Variants in SYNJ1 observed in about 807,000 individuals in gnomAD.
SYNJ1 encodes synaptojanin 1, also known as polyphosphatidylinositol phosphatase SYNJ1.
A neutral mutation model predicts 168.2 loss-of-function variants in SYNJ1; 78 were observed. The ratio of observed to expected loss-of-function variants is 0.46; its 90% CI spans 0.39 to 0.56. The LOEUF is 0.56. Among genes scored for constraint, SYNJ1 ranks in the 20% least tolerant of loss-of-function variants. The pLI, the probability that SYNJ1 is intolerant of heterozygous loss-of-function variation, is 0.00. For synonymous variants in SYNJ1, 539 were observed against 548.6 expected (o/e 0.98, Z 0.24); for missense variants, 1,303 against 1,597.6 (o/e 0.82, Z 3.14).
chr21:32,656,909 G>A lies in SYNJ1; in HGVS notation c.2580-7C>T, dbSNP rs2040478967. Reference sequence around the variant, plus strand: ...AATCAGGGCAACGACAGGCCTTAAGGCATAAAGGAAGATAGATGTATTAGA... The same window carrying A: ...AATCAGGGCAACGACAGGCCTTAAGACATAAAGGAAGATAGATGTATTAGA... On this transcript the variant is annotated splice_region_variant and splice_polypyrimidine_tract_variant and intron_variant, in intron 20 of 32. Transcript: ENST00000674351. 1.2e-6 allele frequency: 2 copies of A among 1,613,082 alleles called. No homozygotes were observed. The highest frequency in any genetic ancestry group is 1.7e-6 in the Non-Finnish European group (2 of 1,179,696).
intron 32 of SYNJ1, among the ~76,000 whole-genome samples, chr21:32,632,963 T>C (rs1362669043): frequency 6.6e-5 from 10 of 152,086 alleles, no homozygotes; most frequent in Admixed American, 3.9e-4. Flanking sequence ...GAGGTTGCAG[T>C]GAGCTGAGAT....
intron 1 of SYNJ1, among the ~76,000 whole-genome samples, chr21:32,727,157 TA>T (rs976681248): frequency 1.4e-4 from 22 of 152,334 alleles, no homozygotes; most frequent in African/African-American, 5.3e-4. Context: ...TTTAGCACTG[TA>T]AGTCAATCAA....
At chr21:32,667,762 A>G (rs966095105) in intron 15 of SYNJ1, among the ~76,000 whole-genome samples, 36 of 151,908 alleles carry the variant, frequency 2.4e-4, no homozygotes, top group African/African-American at 8.0e-4. Flanking sequence ...GAGACTTCCA[A>G]CACTTCCCTG....
chr21:32,631,695 G>A lies in SYNJ1; in HGVS notation c.*110C>T, dbSNP rs959757570. ...GGTGGGAACAGGTGACGTTTGAACA[G>A]ATAGCTGAGCCTTTGATACAGCAAG... On this transcript the variant is annotated 3_prime_UTR_variant, in exon 33 of 33. Coordinates refer to ENST00000674351, the MANE Select transcript of SYNJ1 (RefSeq NM_203446.3). 15 of 1,614,110 alleles carry A rather than the reference G, an allele frequency of 9.3e-6. No homozygotes were observed. In the Admixed American group the frequency reaches 1.2e-4, roughly 13 times the overall value.
At chr21:32,684,897 C>A (rs554905252) in intron 9 of SYNJ1, among the ~76,000 whole-genome samples, 1 of 135,398 alleles carries the variant, frequency 7.4e-6, no homozygotes, top group Non-Finnish European at 1.8e-5. Context: ...GACTTAAGTA[C>A]GGCCGGGCGC....
chr21:32,638,986 A>G lies in SYNJ1; in HGVS notation c.3837T>C (p.Asn1279=). ...GTGGTGGTTGTGGTGGGGTTTCCAA[A>G]TTTGGCTGGGGGCCAGACTGAGGCA... The part of the protein sequence containing the change: ...APMPQSGPQP[N]LETPPQPPPR... The change falls in exon 31 of 33, where the codon AAT becomes AAC. Residue 1279 remains asparagine (N), a synonymous_variant. Coordinates refer to ENST00000674351, the MANE Select transcript of SYNJ1 (RefSeq NM_203446.3). The G allele has an allele frequency of 6.2e-7, 1 of 1,614,028 alleles. No individual in the cohort carries two copies. The highest frequency in any genetic ancestry group is 1.1e-5 in the South Asian group (1 of 91,074).
Position 32,699,274 on chromosome 21 carries a change from A to G in SYNJ1, c.479+564T>C, listed in dbSNP as rs112882838. ...AAGACATTCTGCATTGTGATCTTCT[A>G]TTGTCTCAGTTCTTTCTTTACCCAG... On this transcript the variant is annotated intron_variant, in intron 4 of 32. Coordinates refer to ENST00000674351, the MANE Select transcript of SYNJ1 (RefSeq NM_203446.3). Among the ~76,000 whole-genome samples, 11 of 152,246 alleles carry G rather than the reference A, an allele frequency of 7.2e-5. 1 individual carries two copies. Among genetic ancestry groups the G allele is most frequent in the African/African-American group, 2.6e-4 (11 of 41,544 alleles).
intron 4 of SYNJ1, among the ~76,000 whole-genome samples, chr21:32,699,579 C>A (rs933247031): frequency 3.3e-5 from 5 of 152,162 alleles, no homozygotes; most frequent in Admixed American, 6.5e-5. Context: ...TTCTTTCCAA[C>A]ACGTATACCA....
At chr21:32,722,232 A>ATG (rs1258780205) in intron 2 of SYNJ1, among the ~76,000 whole-genome samples, 19 of 143,612 alleles carry the variant, frequency 1.3e-4, no homozygotes, top group Non-Finnish European at 2.4e-4. Flanking sequence ...ATATATATAT[A>ATG]ATGTATGCAT....
chr21:32,726,929 A>G lies in SYNJ1; in HGVS notation c.-22-12T>C. On this transcript the variant is annotated splice_polypyrimidine_tract_variant and intron_variant, in intron 1 of 32. Coordinates refer to ENST00000674351, the MANE Select transcript of SYNJ1 (RefSeq NM_203446.3). ...CTTCGGAGGCAGCCCTGCGAAAACC[A>G]AGCAAAGCAAAGCAAATGAAGCTGA... 1 of 1,612,138 alleles carries G rather than the reference A, an allele frequency of 6.2e-7. No homozygotes were observed. Among genetic ancestry groups the G allele is most frequent in the Middle Eastern group, 1.7e-4 (1 of 6,046 alleles).
At chr21:32,723,054 T>C (rs2043306877) in intron 2 of SYNJ1, among the ~76,000 whole-genome samples, 1 of 152,198 alleles carries the variant, frequency 6.6e-6, no homozygotes, top group Non-Finnish European at 1.5e-5. Flanking sequence ...GCCCAGACAG[T>C]AGTATTTGTA....
At chr21:32,723,560 G>A (rs781065887) in intron 2 of SYNJ1, among the ~76,000 whole-genome samples, 8 of 152,188 alleles carry the variant, frequency 5.3e-5, no homozygotes, top group Non-Finnish European at 1.2e-4. Context: ...GCTCACGCCT[G>A]TAATCCCAAT....
chr21:32,636,980 C>T (rs929513540), intron 31 of SYNJ1, among the ~76,000 whole-genome samples: 3 of 152,118 alleles, frequency 2.0e-5, no homozygotes, highest in Non-Finnish European at 2.9e-5. Flanking sequence ...GCCACCAAAT[C>T]GCTATACTCA....
At chr21:32,716,583 ATCT>A (rs1407146448) in intron 2 of SYNJ1, among the ~76,000 whole-genome samples, 12 of 152,182 alleles carry the variant, frequency 7.9e-5, no homozygotes, top group Admixed American at 7.9e-4. Flanking sequence ...TACTTTTAAG[ATCT>A]TCTCTGTATC....
At chr21:32,688,238 A>G in intron 7 of SYNJ1, 68 bp downstream of exon 7, 6 of 1,446,140 alleles carry the variant, frequency 4.1e-6, no homozygotes, top group Non-Finnish European at 5.7e-6. Context: ...GAAGTGAATC[A>G]GTAAATACAA....
chr21:32,690,727 G>A (rs368832913), intron 6 of SYNJ1, among the ~76,000 whole-genome samples: 2 of 152,184 alleles, frequency 1.3e-5, no homozygotes, highest in East Asian at 1.9e-4. Flanking sequence ...GTTTGAGACC[G>A]GCCTGACCAA....
At chr21:32,661,893 A>C (rs1443370978) in intron 18 of SYNJ1, among the ~76,000 whole-genome samples, 1 of 152,030 alleles carries the variant, frequency 6.6e-6, no homozygotes, top group Admixed American at 6.6e-5. Context: ...AAAATTACAC[A>C]AACAATCTCA....
At chr21:32,721,587 G>A (rs1340807106) in intron 2 of SYNJ1, among the ~76,000 whole-genome samples, 1 of 151,926 alleles carries the variant, frequency 6.6e-6, no homozygotes, top group Non-Finnish European at 1.5e-5. Flanking sequence ...GCTGAGGCAG[G>A]AGAACTCCTT....
intron 16 of SYNJ1, 42 bp from the exon 17 acceptor site, chr21:32,666,177 A>G (rs766361043): frequency 1.3e-6 from 2 of 1,565,866 alleles, no homozygotes; most frequent in Admixed American, 3.8e-5. Context: ...TGAAATTTCA[A>G]GAGTTCCATG....
Sources: gnomAD v4.1 joint callset for allele counts (sites outside exome capture counted in the v4.1 genomes callset) on GRCh38, gnomAD v4.1.1 for gene constraint, MANE v1.5 for transcripts, NCBI Gene and HGNC (gene_info 2026-07-23, HGNC 2026-07-21) for gene names.